ROBO1: variants seen among roughly 807,000 people sequenced by gnomAD.
The protein encoded by ROBO1 is roundabout homolog 1.
Under a neutral mutation model 195.9 loss-of-function variants are expected in ROBO1, and 149 were observed. The observed-to-expected ratio is 0.76, with a 90% CI of 0.67 to 0.87. The LOEUF is 0.87. Ranked by LOEUF, ROBO1 falls within the 40% of genes least tolerant of loss-of-function variation. The probability of loss-of-function intolerance (pLI) is 0.00; values close to 1 mark genes in which losing one functional copy is unlikely to be tolerated. For missense variants in ROBO1, 1,933 were observed against 2,068.3 expected, an observed-to-expected ratio of 0.93 and a Z score of 1.27; for synonymous variants, 816 against 733.2, an observed-to-expected ratio of 1.11 and a Z score of -1.82.
chr3:79,616,754 T>C (rs542647783), intron 1 of ROBO1, among the ~76,000 whole-genome samples: 3 of 152,138 alleles, frequency 2.0e-5, no homozygotes, highest in Non-Finnish European at 4.4e-5. Context: ...GTACTGGGAG[T>C]TGGCACAGGC....
At chr3:79,394,517 T>C (rs2037066843) in intron 2 of ROBO1, among the ~76,000 whole-genome samples, 5 of 151,950 alleles carry the variant, frequency 3.3e-5, no homozygotes, top group African/African-American at 9.7e-5. Flanking sequence ...AACAGTAACA[T>C]ATATACAGAT....
intron 4 of ROBO1, among the ~76,000 whole-genome samples, chr3:78,820,928 A>G (rs1576231944): frequency 6.6e-6 from 1 of 152,196 alleles, no homozygotes; most frequent in South Asian, 2.1e-4. Context: ...CATATAATCT[A>G]AACTGTGTTG....
chr3:79,411,783 T>C (rs2037778766), intron 2 of ROBO1, among the ~76,000 whole-genome samples: 1 of 152,138 alleles, frequency 6.6e-6, no homozygotes, highest in African/African-American at 2.4e-5. Flanking sequence ...ACATTTAATG[T>C]GAAAAATTAT....
intron 1 of ROBO1, among the ~76,000 whole-genome samples, chr3:79,637,478 A>T (rs972740090): frequency 9.2e-5 from 14 of 152,042 alleles, no homozygotes; most frequent in African/African-American, 3.4e-4. Flanking sequence ...GGAAAAAAAA[A>T]AGTCTCTGAA....
intron 4 of ROBO1, among the ~76,000 whole-genome samples, chr3:78,899,493 T>C (rs1412159191): frequency 1.3e-5 from 2 of 152,342 alleles, no homozygotes; most frequent in African/African-American, 2.4e-5. Context: ...TTCTAACTTA[T>C]ATAATCCTAT....
At chr3:78,971,172 G>T (rs896214316) in intron 3 of ROBO1, among the ~76,000 whole-genome samples, 1 of 152,056 alleles carries the variant, frequency 6.6e-6, no homozygotes, top group Non-Finnish European at 1.5e-5. Context: ...TAGGTGGATT[G>T]CTTGAGGTCA....
Position 79,019,270 on chromosome 3 carries a change from C to T in ROBO1, c.173-80343G>A, listed in dbSNP as rs1168776010. The T allele has an allele frequency of 4.1e-6, 4 of 985,738 alleles. No homozygotes were observed. In the Admixed American group the frequency reaches 1.8e-4, roughly 45 times the overall value. The allele number at this position is 985,738 out of a possible 1,614,324, so 61.1% of individuals were successfully genotyped here. ...CGCAGAAGCCCAAACTTCCTGGGGG[C>T]AGCTGCCTGCACCCCTGGCTCGTGG... On this transcript the variant is annotated intron_variant, in intron 3 of 30. Transcript: ENST00000464233.
At chr3:79,617,308 C>T (rs1312440219) in intron 1 of ROBO1, among the ~76,000 whole-genome samples, 1 of 152,112 alleles carries the variant, frequency 6.6e-6, no homozygotes. Flanking sequence ...AATAAAAATA[C>T]TTGTTGACAG....
At chr3:79,180,485 C>T (rs1383380733) in intron 2 of ROBO1, among the ~76,000 whole-genome samples, 3 of 152,204 alleles carry the variant, frequency 2.0e-5, no homozygotes, top group South Asian at 2.1e-4. Flanking sequence ...TACTTTTCCA[C>T]TTTCCAACTG....
chr3:79,425,955 A>G (rs2038429679), intron 2 of ROBO1, among the ~76,000 whole-genome samples: 2 of 152,282 alleles, frequency 1.3e-5, no homozygotes, highest in Middle Eastern at 6.8e-3. Context: ...TTCTCAAATA[A>G]TTTTTAAATT....
At chr3:78,956,739 C>T (rs907616185) in intron 3 of ROBO1, among the ~76,000 whole-genome samples, 5 of 152,132 alleles carry the variant, frequency 3.3e-5, no homozygotes, top group African/African-American at 9.7e-5. Context: ...CTTAATTCTG[C>T]TTATGGGAAG....
At chr3:78,855,205 T>G (rs977247705) in intron 4 of ROBO1, among the ~76,000 whole-genome samples, 1 of 152,188 alleles carries the variant, frequency 6.6e-6, no homozygotes, top group Non-Finnish European at 1.5e-5. Flanking sequence ...TGATTTCATG[T>G]TCACCCAGCA....
At chr3:79,439,767 C>A (rs1575827148) in intron 2 of ROBO1, among the ~76,000 whole-genome samples, 2 of 151,924 alleles carry the variant, frequency 1.3e-5, no homozygotes, top group South Asian at 4.1e-4. Context: ...TCAAGATCTG[C>A]AAATATTTGG....
At chr3:79,345,425 T>C (rs1273784455) in intron 2 of ROBO1, among the ~76,000 whole-genome samples, 4 of 152,078 alleles carry the variant, frequency 2.6e-5, no homozygotes. Context: ...TCTCCCTTTT[T>C]TATATGACTT....
At chr3:79,258,544 C>G (rs2082880227) in intron 2 of ROBO1, among the ~76,000 whole-genome samples, 2 of 152,118 alleles carry the variant, frequency 1.3e-5, no homozygotes, top group Admixed American at 1.3e-4. Context: ...AAATTTTTAT[C>G]TAATGCTGTC....
At chr3:78,847,514 C>A (rs2033749063) in intron 4 of ROBO1, among the ~76,000 whole-genome samples, 1 of 151,852 alleles carries the variant, frequency 6.6e-6, no homozygotes, top group Admixed American at 6.6e-5. Flanking sequence ...GGAAGCTATG[C>A]CAAAATATCT....
chr3:79,439,398 C>T (rs2038985044), intron 2 of ROBO1, among the ~76,000 whole-genome samples: 1 of 152,068 alleles, frequency 6.6e-6, no homozygotes, highest in Admixed American at 6.6e-5. Flanking sequence ...TTTCCCCAAC[C>T]ATCTCAAGAC....
At chr3:79,445,478 A>ATT (rs1343329439) in intron 2 of ROBO1, among the ~76,000 whole-genome samples, 1 of 128,712 alleles carries the variant, frequency 7.8e-6, no homozygotes, top group Admixed American at 8.2e-5. Flanking sequence ...CAATACAGAA[A>ATT]TTGTTTTTTT....
intron 4 of ROBO1, among the ~76,000 whole-genome samples, chr3:78,816,581 C>A (rs1208841469): frequency 6.6e-6 from 1 of 152,100 alleles, no homozygotes; most frequent in Non-Finnish European, 1.5e-5. Flanking sequence ...GGAAAGGATT[C>A]ACCATTTTAG....
Sources: gnomAD v4.1 joint callset for allele counts (sites outside exome capture counted in the v4.1 genomes callset) on GRCh38, gnomAD v4.1.1 for gene constraint, MANE v1.5 for transcripts, NCBI Gene and HGNC (gene_info 2026-07-23, HGNC 2026-07-21) for gene names.